TBC1D5: variants seen among roughly 807,000 people sequenced by gnomAD.
TBC1D5 encodes the protein TBC1 domain family, member 5.
In TBC1D5, 75 loss-of-function variants were observed where a neutral mutation model predicts 100.3. That is an observed-to-expected ratio of 0.75 (90% CI 0.62 to 0.91). TBC1D5 has a LOEUF of 0.91. Ranked by LOEUF, TBC1D5 falls within the 40% of genes least tolerant of loss-of-function variation. The pLI, the probability that TBC1D5 is intolerant of heterozygous loss-of-function variation, is 0.00. For missense variants in TBC1D5, 910 were observed against 942.4 expected (o/e 0.97, Z 0.45); for synonymous variants, 323 against 325.6 (o/e 0.99, Z 0.09).
chr3:17,644,708 G>A lies in TBC1D5; in HGVS notation c.-100-20795C>T, dbSNP rs928552317. Among the ~76,000 whole-genome samples the A allele has an allele frequency of 4.6e-5, 7 of 152,114 alleles. No homozygotes were observed. The East Asian group carries it at 5.8e-4, about 13-fold the overall frequency. ...AATATATTCCTAAACTTTATCATCC[G>A]AAAACTACAATATTTTTGTAAAGGA... is the stretch of plus-strand genomic sequence containing the variant. On this transcript the variant is annotated intron_variant, in intron 1 of 21. Coordinates refer to ENST00000253692, the Ensembl canonical transcript of TBC1D5.
intron 15 of TBC1D5, among the ~76,000 whole-genome samples, chr3:17,283,970 C>G (rs982582491): frequency 6.6e-6 from 1 of 152,016 alleles, no homozygotes; most frequent in Admixed American, 6.5e-5. Flanking sequence ...CTTTGCCTGG[C>G]TGGTTCCTTT....
chr3:17,622,244 T>C (rs754576148), intron 2 of TBC1D5, among the ~76,000 whole-genome samples: 1 of 152,194 alleles, frequency 6.6e-6, no homozygotes, highest in African/African-American at 2.4e-5. Flanking sequence ...CTAATGCTGC[T>C]GCTGATCTAC....
chr3:17,179,148 A>C (rs1267544068), intron 19 of TBC1D5, among the ~76,000 whole-genome samples: 1 of 152,202 alleles, frequency 6.6e-6, no homozygotes, highest in African/African-American at 2.4e-5. Context: ...TCTTCAGGTG[A>C]ATTGTATCTT....
At chr3:17,280,092 C>CA (rs367934824) in intron 15 of TBC1D5, among the ~76,000 whole-genome samples, 18 of 152,224 alleles carry the variant, frequency 1.2e-4, no homozygotes, top group African/African-American at 4.3e-4. Context: ...ATCAAACAGA[C>CA]AAAAAACATT....
chr3:17,606,777 A>G (rs1486627769), intron 2 of TBC1D5, among the ~76,000 whole-genome samples: 1 of 152,156 alleles, frequency 6.6e-6, no homozygotes, highest in Non-Finnish European at 1.5e-5. Context: ...GGTCATTTCT[A>G]TACTGAAAAA....
rs145265615 is a variant in TBC1D5 at position 17,697,232 on chromosome 3, A to G, written c.-101+42111T>C. ...CCCTCTCTCACCACTCGTATTCAAC[A>G]TAGGGTTGGAAGTTCTGGCCAGGGC... On this transcript the variant is annotated intron_variant, in intron 1 of 21. Transcript: ENST00000253692. 1.6e-3 allele frequency among the ~76,000 whole-genome samples: 243 copies of G among 152,346 alleles called. 2 individuals are homozygous for G. Among genetic ancestry groups the G allele is most frequent in the African/African-American group, 5.4e-3 (226 of 41,570 alleles).
rs2085967043 is a variant in TBC1D5, at chr3:17,325,388, T to A, written c.996-17254A>T. The stretch of plus-strand genomic sequence containing the variant: ...CCCAGGCTGGAGTGCAATGGTGTGA[T>A]CTTGGCTCATTGCAACCTTCACCTC... On this transcript the variant is annotated intron_variant, in intron 13 of 21. Coordinates refer to ENST00000253692, the Ensembl canonical transcript of TBC1D5. 3.3e-5 allele frequency among the ~76,000 whole-genome samples: 5 copies of A among 150,564 alleles called. No homozygotes were observed. In the South Asian group the frequency reaches 1.0e-3, roughly 32 times the overall value.
At position 17,705,121 on chromosome 3, in the gene TBC1D5, G is replaced by A. The variant is rs867690592; in HGVS notation, c.-101+34222C>T. 7.0e-3 allele frequency among the ~76,000 whole-genome samples: 773 copies of A among 110,366 alleles called. 33 individuals are homozygous for A. Among genetic ancestry groups the A allele is most frequent in the African/African-American group, 0.027 (715 of 26,584 alleles). The allele number at this position is 110,366 out of a possible 152,430, so 72.4% of individuals were successfully genotyped here. A position where few individuals can be genotyped will look rare whatever the true frequency, so the allele number is the denominator to read the frequency against. On this transcript the variant is annotated intron_variant, in intron 1 of 21. Coordinates refer to ENST00000253692, the Ensembl canonical transcript of TBC1D5. Reference sequence around the variant, plus strand: ...GGGGCTGACCCCCCACCTCCCTCCCGGACGGGGCGGCTGGCCAGGCGGGGG... The same window carrying A: ...GGGGCTGACCCCCCACCTCCCTCCCAGACGGGGCGGCTGGCCAGGCGGGGG...
At chr3:17,554,014 T>C (rs528300879) in intron 2 of TBC1D5, among the ~76,000 whole-genome samples, 3 of 152,192 alleles carry the variant, frequency 2.0e-5, no homozygotes, top group Non-Finnish European at 4.4e-5. Flanking sequence ...TTTAAGGATG[T>C]AGTATCTTCT....
chr3:17,374,433 A>G (rs770368552), intron 12 of TBC1D5, 38 bp downstream of exon 12: 1 of 1,570,962 alleles, frequency 6.4e-7, no homozygotes, highest in Non-Finnish European at 8.7e-7. Flanking sequence ...CATTTGCTCC[A>G]TAGCATATAC....
At chr3:17,379,093 C>CT (rs143444968) in intron 9 of TBC1D5, among the ~76,000 whole-genome samples, 77 of 145,528 alleles carry the variant, frequency 5.3e-4, no homozygotes, top group African/African-American at 1.2e-3. Flanking sequence ...TTTTCTGCTC[C>CT]TTTTTTTTTT....
chr3:17,540,905 C>CA (rs71634807), intron 2 of TBC1D5, among the ~76,000 whole-genome samples: 2,040 of 31,226 alleles, frequency 0.065, 201 homozygotes, highest in East Asian at 0.23. Context: ...GGCTCCATCT[C>CA]AAAAAAAAAA....
At chr3:17,383,816 T>C (rs2093044560) in intron 9 of TBC1D5, 97 bp downstream of exon 9, 1 of 910,472 alleles carries the variant, frequency 1.1e-6, no homozygotes, top group Non-Finnish European at 1.7e-6. Flanking sequence ...TGATACAACT[T>C]TGGATACAAT....
chr3:17,546,853 C>A (rs2096421186), intron 2 of TBC1D5, among the ~76,000 whole-genome samples: 2 of 151,978 alleles, frequency 1.3e-5, no homozygotes, highest in Non-Finnish European at 2.9e-5. Flanking sequence ...CTATTACATT[C>A]CAAGTAAATA....
chr3:17,524,343 A>G (rs1160222857), intron 2 of TBC1D5, among the ~76,000 whole-genome samples: 1 of 152,218 alleles, frequency 6.6e-6, no homozygotes, highest in South Asian at 2.1e-4. Flanking sequence ...AAAAAGTGCA[A>G]GTTTAGGAAG....
chr3:17,343,378 A>T (rs2089317055), intron 13 of TBC1D5, among the ~76,000 whole-genome samples: 1 of 151,988 alleles, frequency 6.6e-6, no homozygotes, highest in Non-Finnish European at 1.5e-5. Context: ...CCAGTATTTT[A>T]TTGAGGATTT....
exon 17 of TBC1D5, chr3:17,238,237 C>T (rs776274356): frequency 1.2e-5 from 20 of 1,614,000 alleles, no homozygotes; most frequent in Non-Finnish European, 1.6e-5. Context: ...CAAGTGATGG[C>T]TTGGGGCCTC....
At chr3:17,284,124 G>A (rs283924) in intron 15 of TBC1D5, among the ~76,000 whole-genome samples, 60,972 of 133,558 alleles carry the variant, frequency 0.46, 13,264 homozygotes, top group African/African-American at 0.53. Context: ...ACACACACAC[G>A]TATTTTTAAT....
chr3:17,380,343 G>T (rs576913311), intron 9 of TBC1D5, among the ~76,000 whole-genome samples: 1 of 151,502 alleles, frequency 6.6e-6, no homozygotes, highest in South Asian at 2.1e-4. Flanking sequence ...TCTAAACTAG[G>T]GATTTTTTTT....
Sources: gnomAD v4.1 joint callset for allele counts (sites outside exome capture counted in the v4.1 genomes callset) on GRCh38, gnomAD v4.1.1 for gene constraint, MANE v1.5 for transcripts, NCBI Gene and HGNC (gene_info 2026-07-23, HGNC 2026-07-21) for gene names.